ENTHD1: variants seen among roughly 807,000 people sequenced by gnomAD.
The protein encoded by ENTHD1 is ENTH domain-containing protein 1.
A neutral mutation model predicts 39.1 loss-of-function variants in ENTHD1; 23 were observed. The ratio of observed to expected loss-of-function variants is 0.59; its 90% CI spans 0.42 to 0.83. ENTHD1 has a LOEUF of 0.83. Ranked by LOEUF, ENTHD1 falls within the 40% of genes least tolerant of loss-of-function variation. ENTHD1 has a pLI of 0.00. For missense variants in ENTHD1, 624 were observed against 705.4 expected, an observed-to-expected ratio of 0.88 and a Z score of 1.31; for synonymous variants, 230 against 258.2, an observed-to-expected ratio of 0.89 and a Z score of 1.05.
chr22:39,754,699 C>T (rs1294035149), intron 6 of ENTHD1, among the ~76,000 whole-genome samples: 1 of 152,176 alleles, frequency 6.6e-6, no homozygotes, highest in Non-Finnish European at 1.5e-5. Flanking sequence ...TCACCTCTCT[C>T]AGATCGTGAT....
chr22:39,815,127 G>A (rs987400110), intron 5 of ENTHD1, among the ~76,000 whole-genome samples: 1 of 152,132 alleles, frequency 6.6e-6, no homozygotes, highest in Non-Finnish European at 1.5e-5. Context: ...GAAATGTGTC[G>A]ACATATGAAA....
intron 3 of ENTHD1, 69 bp downstream of exon 3, chr22:39,861,696 A>G (rs1039357817): frequency 4.0e-6 from 5 of 1,238,514 alleles, no homozygotes; most frequent in Non-Finnish European, 5.2e-6. Context: ...CTAAAACATA[A>G]TATTTTATAT....
intron 5 of ENTHD1, among the ~76,000 whole-genome samples, chr22:39,792,274 A>G (rs2065510788): frequency 6.6e-6 from 1 of 152,048 alleles, no homozygotes; most frequent in African/African-American, 2.4e-5. Context: ...TGCTGGGCCA[A>G]TGGTAGTTCT....
chr22:39,743,615 T>C lies in ENTHD1; in HGVS notation c.*64A>G. On this transcript the variant is annotated 3_prime_UTR_variant, in exon 7 of 7. Transcript: ENST00000325157. ...GCCATAATAATATGAATTTATACAA[T>C]GCTAACGTAAGTCTTGGGGAAGTGG... 1.3e-6 allele frequency: 2 copies of C among 1,505,476 alleles called. No individual in the cohort carries two copies. The highest frequency in any genetic ancestry group is 1.8e-6 in the Non-Finnish European group (2 of 1,129,440). 93.3% of individuals were successfully genotyped at this position (1,505,476 alleles called of 1,614,324 possible).
intron 5 of ENTHD1, among the ~76,000 whole-genome samples, chr22:39,817,310 T>C (rs1272356964): frequency 6.6e-6 from 1 of 152,186 alleles, no homozygotes; most frequent in Admixed American, 6.5e-5. Flanking sequence ...CACTGAAGCA[T>C]TCTTTGTAAC....
rs578199850 is a variant in ENTHD1, at chr22:39,829,970, C to T, written c.711+5870G>A. 3.3e-5 allele frequency among the ~76,000 whole-genome samples: 5 copies of T among 152,130 alleles called. No homozygotes were observed. In the South Asian group the frequency reaches 8.3e-4, roughly 25 times the overall value. On this transcript the variant is annotated intron_variant, in intron 4 of 6. Transcript: ENST00000325157. Reference sequence around the variant, plus strand: ...AGCATACTATCTACAGTTACAAACTCCTTGGGCTCAAGTGATCCTCCTGCC... The same window carrying T: ...AGCATACTATCTACAGTTACAAACTTCTTGGGCTCAAGTGATCCTCCTGCC...
chr22:39,752,891 C>T (rs1231222704), intron 6 of ENTHD1, among the ~76,000 whole-genome samples: 1 of 152,226 alleles, frequency 6.6e-6, no homozygotes, highest in African/African-American at 2.4e-5. Flanking sequence ...TTTGCCAAGA[C>T]ACTTTGCAGA....
intron 5 of ENTHD1, among the ~76,000 whole-genome samples, chr22:39,768,162 G>T (rs2065292824): frequency 6.6e-6 from 1 of 152,158 alleles, no homozygotes; most frequent in Non-Finnish European, 1.5e-5. Flanking sequence ...CACCCCTGCT[G>T]TCTATGCAAT....
intron 5 of ENTHD1, among the ~76,000 whole-genome samples, chr22:39,772,600 C>T (rs1032428515): frequency 6.6e-5 from 10 of 151,862 alleles, no homozygotes; most frequent in Admixed American, 2.0e-4. Flanking sequence ...AACCAAACAC[C>T]GACAAAACAA....
At chr22:39,820,853 G>A (rs993196353) in intron 5 of ENTHD1, 140 bp downstream of exon 5, 2 of 788,236 alleles carry the variant, frequency 2.5e-6, no homozygotes, top group Admixed American at 3.2e-5. Flanking sequence ...GGTAAAACAA[G>A]ATTATAGGAC....
intron 5 of ENTHD1, among the ~76,000 whole-genome samples, chr22:39,792,150 A>G (rs138336754): frequency 4.5e-4 from 69 of 152,210 alleles, no homozygotes; most frequent in African/African-American, 1.5e-3. Context: ...ATGGGGATTT[A>G]GGTTGATTCC....
chr22:39,827,343 A>G (rs2065835163), intron 4 of ENTHD1, among the ~76,000 whole-genome samples: 1 of 152,130 alleles, frequency 6.6e-6, no homozygotes, highest in South Asian at 2.1e-4. Context: ...AGATTTTTTA[A>G]ACATTTAATA....
At chr22:39,876,101 G>A (rs55727221) in intron 2 of ENTHD1, 1 of 1,604,588 alleles carries the variant, frequency 6.2e-7, no homozygotes, top group Non-Finnish European at 8.5e-7. Flanking sequence ...TGACGATATG[G>A]TGATTGTTGG....
intron 6 of ENTHD1, among the ~76,000 whole-genome samples, chr22:39,752,025 TATCTCTATAGAAGAGAGAA>T (rs1359245813): frequency 2.0e-5 from 3 of 152,178 alleles, no homozygotes; most frequent in Non-Finnish European, 4.4e-5. Context: ...TCTATTTCTC[TATCTCTATAGAAGAGAGAA>T]AGCTTTATTT....
At chr22:39,851,064 CT>C (rs1195072421) in intron 3 of ENTHD1, among the ~76,000 whole-genome samples, 9 of 152,062 alleles carry the variant, frequency 5.9e-5, no homozygotes, top group Non-Finnish European at 1.2e-4. Flanking sequence ...CTATAAATAA[CT>C]ATTTCACCCT....
At chr22:39,808,975 G>A (rs1375298447) in intron 5 of ENTHD1, among the ~76,000 whole-genome samples, 2 of 152,166 alleles carry the variant, frequency 1.3e-5, no homozygotes, top group Non-Finnish European at 2.9e-5. Flanking sequence ...ATGTCTTAAT[G>A]TCAACCACAT....
intron 6 of ENTHD1, 37 bp from the exon 7 acceptor site, chr22:39,744,320 A>G: frequency 1.3e-6 from 2 of 1,534,454 alleles, no homozygotes; most frequent in Non-Finnish European, 1.7e-6. Context: ...GATTTATGCA[A>G]CATACAAATG....
intron 5 of ENTHD1, among the ~76,000 whole-genome samples, chr22:39,815,888 T>C (rs2065729951): frequency 6.6e-6 from 1 of 152,188 alleles, no homozygotes; most frequent in Admixed American, 6.5e-5. Context: ...TCTACTTATA[T>C]AAAGTTCAAG....
At chr22:39,805,460 A>T (rs1159572169) in intron 5 of ENTHD1, among the ~76,000 whole-genome samples, 1 of 152,220 alleles carries the variant, frequency 6.6e-6, no homozygotes, top group African/African-American at 2.4e-5. Flanking sequence ...GGTTGGGGAC[A>T]TGGAAGATGC....
Sources: allele counts gnomAD v4.1 joint callset (sites outside exome capture counted in the v4.1 genomes callset), GRCh38; gene constraint gnomAD v4.1.1; transcripts MANE v1.5; gene names NCBI Gene and HGNC (gene_info 2026-07-23, HGNC 2026-07-21).